Variants in PTK7 observed in about 807,000 individuals in gnomAD.
PTK7 encodes inactive tyrosine-protein kinase 7.
A neutral mutation model predicts 116.6 loss-of-function variants in PTK7; 39 were observed. The observed-to-expected ratio is 0.33, with a 90% CI of 0.26 to 0.44. The LOEUF (loss-of-function observed/expected upper bound fraction) is 0.44. Among genes scored for constraint, PTK7 ranks in the 20% least tolerant of loss-of-function variants. The pLI is 1.00. For synonymous variants in PTK7, 546 were observed against 563.6 expected, an observed-to-expected ratio of 0.97 and a Z score of 0.44; for missense variants, 1,169 against 1,425.6, an observed-to-expected ratio of 0.82 and a Z score of 2.90.
intron 1 of PTK7, among the ~76,000 whole-genome samples, chr6:43,121,333 C>A (rs1349921937): frequency 1.3e-5 from 2 of 152,196 alleles, no homozygotes; most frequent in African/African-American, 2.4e-5. Flanking sequence ...AGCTGGCCTG[C>A]TAAATTGTTT....
At chr6:43,128,434 T>C (rs1769429791) in intron 1 of PTK7, among the ~76,000 whole-genome samples, 1 of 152,220 alleles carries the variant, frequency 6.6e-6, no homozygotes, top group African/African-American at 2.4e-5. Context: ...TCTTCAGACC[T>C]CTTGAGGAGA....
chr6:43,141,907 C>T lies in PTK7; in HGVS notation c.1769-24C>T, dbSNP rs369882856. ...GCCCCTTGGCTTACCCCTCCCTGCG[C>T]CTCGCTGGTCTCTTTTCTTCCAGTT... is the stretch of plus-strand genomic sequence containing the variant. On this transcript the variant is annotated intron_variant, in intron 11 of 19. Transcript: ENST00000230419. The surrounding 1 kb of genome is among the most constrained non-coding windows in gnomAD (Gnocchi z 4.9). The T allele has an allele frequency of 3.5e-5, 56 of 1,594,596 alleles. No homozygotes were observed. The highest frequency in any genetic ancestry group is 4.7e-5 in the Non-Finnish European group (55 of 1,168,416).
intron 17 of PTK7, 134 bp downstream of exon 17, chr6:43,146,832 T>A (rs1342761685): frequency 1.2e-5 from 9 of 737,072 alleles, no homozygotes; most frequent in Non-Finnish European, 2.0e-5. Flanking sequence ...ACTGTAATTA[T>A]CACGGTAGTC....
Position 43,114,496 on chromosome 6 carries a change from C to T in PTK7, c.80-14481C>T, listed in dbSNP as rs949652538. Among the ~76,000 whole-genome samples the T allele has an allele frequency of 3.3e-5, 5 of 151,902 alleles. No homozygotes were observed. The South Asian group carries it at 6.3e-4, about 19-fold the overall frequency. On this transcript the variant is annotated intron_variant, in intron 1 of 19. Transcript: ENST00000230419. Reference sequence around the variant, plus strand: ...CTGTCTGTGTGTGACTTTGGAGGTCCGTAAGAGGTACCCCCTGGAATGGGG... The same window carrying T: ...CTGTCTGTGTGTGACTTTGGAGGTCTGTAAGAGGTACCCCCTGGAATGGGG...
At chr6:43,096,183 C>G (rs962662840) in intron 1 of PTK7, among the ~76,000 whole-genome samples, 1 of 152,156 alleles carries the variant, frequency 6.6e-6, no homozygotes, top group African/African-American at 2.4e-5. Flanking sequence ...ATCTCAGCCT[C>G]GGGGAGAGGT....
rs189078898 is a variant in PTK7, at chr6:43,096,753, C to T, written c.79+20186C>T. 2.5e-3 allele frequency among the ~76,000 whole-genome samples: 375 copies of T among 152,332 alleles called. 3 individuals are homozygous for T. Among genetic ancestry groups the T allele is most frequent in the South Asian group, 0.019 (94 of 4,830 alleles). On this transcript the variant is annotated intron_variant, in intron 1 of 19. Transcript: ENST00000230419. ...TGCTGGGCCAGCCTGCCTGCCTGTC[C>T]GGTAGGGCCCTGCCTGAGCTGGGCT...
intron 15 of PTK7, chr6:43,144,897 AGAAATCATGG>A: frequency 2.4e-6 from 1 of 417,310 alleles, no homozygotes. Context: ...AAAAAATATG[AGAAATCATGG>A]GTTTGTCATA....
intron 1 of PTK7, among the ~76,000 whole-genome samples, chr6:43,105,450 C>CA (rs34623759): frequency 0.41 from 38,103 of 93,258 alleles, 7,448 homozygotes; most frequent in East Asian, 0.53. Flanking sequence ...AACTGTATAG[C>CA]AAAAAAAAAA....
chr6:43,076,926 A>C lies in PTK7; in HGVS notation c.79+359A>C, dbSNP rs924326992. 1.1e-5 allele frequency: 17 copies of C among 1,515,394 alleles called. No individual in the cohort carries two copies. Among genetic ancestry groups the C allele is most frequent in the Non-Finnish European group, 1.5e-5 (17 of 1,132,558 alleles). 93.9% of individuals were successfully genotyped at this position (1,515,394 alleles called of 1,614,324 possible). ...GGGGGAGAAAAGACCATCCGCACCC[A>C]CCGTGGGGAGCGCGATGGAGAAAAA... is the stretch of plus-strand genomic sequence containing the variant. On this transcript the variant is annotated intron_variant, in intron 1 of 19. Transcript: ENST00000230419. The surrounding 1 kb of genome is among the most constrained non-coding windows in gnomAD (Gnocchi z 5.7).
chr6:43,080,717 G>A (rs1582047449), intron 1 of PTK7, among the ~76,000 whole-genome samples: 3 of 152,092 alleles, frequency 2.0e-5, no homozygotes, highest in South Asian at 2.1e-4. Context: ...CAAGGCAGGC[G>A]GATCACCTGA....
intron 18 of PTK7, among the ~76,000 whole-genome samples, chr6:43,159,427 C>G (rs1346911119): frequency 6.6e-6 from 1 of 152,192 alleles, no homozygotes; most frequent in Non-Finnish European, 1.5e-5. Flanking sequence ...ATTTGTCTGA[C>G]TATAGCTGTA....
At chr6:43,085,897 C>T (rs1766622092) in intron 1 of PTK7, among the ~76,000 whole-genome samples, 1 of 148,130 alleles carries the variant, frequency 6.8e-6, no homozygotes, top group Admixed American at 6.8e-5. Flanking sequence ...TGCGCCACTG[C>T]ACTCCAGCCT....
At chr6:43,149,393 C>A (rs1268441152) in intron 17 of PTK7, among the ~76,000 whole-genome samples, 1 of 152,082 alleles carries the variant, frequency 6.6e-6, no homozygotes, top group Non-Finnish European at 1.5e-5. Context: ...AAAAAGATTT[C>A]TGGACCATGA....
intron 1 of PTK7, among the ~76,000 whole-genome samples, chr6:43,118,902 G>A (rs1409934438): frequency 6.6e-6 from 1 of 150,726 alleles, no homozygotes; most frequent in Non-Finnish European, 1.5e-5. Context: ...CCAAGTAGCT[G>A]GGACGACAGG....
intron 10 of PTK7, among the ~76,000 whole-genome samples, chr6:43,140,998 T>A (rs779287259): frequency 5.3e-5 from 8 of 152,186 alleles, no homozygotes; most frequent in Non-Finnish European, 1.0e-4. Context: ...AACTGTTCCT[T>A]AAATGTTGGA....
chr6:43,117,150 C>G (rs1299240797), intron 1 of PTK7, among the ~76,000 whole-genome samples: 3 of 152,092 alleles, frequency 2.0e-5, no homozygotes, highest in Non-Finnish European at 2.9e-5. Context: ...ATGGACAGCT[C>G]TGTTCCGCCA....
chr6:43,089,405 C>G (rs1323789963), intron 1 of PTK7, among the ~76,000 whole-genome samples: 1 of 152,114 alleles, frequency 6.6e-6, no homozygotes, highest in Non-Finnish European at 1.5e-5. Context: ...AAGGCTCTGT[C>G]AGGCCAACAG....
chr6:43,100,588 G>A (rs1210108113), intron 1 of PTK7, among the ~76,000 whole-genome samples: 1 of 151,994 alleles, frequency 6.6e-6, no homozygotes, highest in African/African-American at 2.4e-5. Flanking sequence ...TACAGCTGAA[G>A]TTCCCAAATA....
chr6:43,100,361 T>TG (rs1376724117), intron 1 of PTK7, among the ~76,000 whole-genome samples: 1 of 147,982 alleles, frequency 6.8e-6, no homozygotes, highest in Non-Finnish European at 1.5e-5. Context: ...CCAGCCTGGG[T>TG]GACAGAGCGA....
Sources: gnomAD v4.1 joint callset for allele counts (sites outside exome capture counted in the v4.1 genomes callset) on GRCh38, gnomAD v4.1.1 for gene constraint, Gnocchi (gnomAD v3.1) non-coding constraint, MANE v1.5 for transcripts, NCBI Gene and HGNC (gene_info 2026-07-23, HGNC 2026-07-21) for gene names.